The following ENTREP2 variants were observed in gnomAD, a reference collection of about 807,000 sequenced individuals.
ENTREP2 encodes the protein endosomal transmembrane epsin interactor 2, also known as protein ENTREP2.
At chr15:29,607,716 G>T in the ENTREP2 span, among the ~76,000 whole-genome samples, 1 of 152,020 alleles carries the variant, frequency 6.6e-6, no homozygotes, top group Non-Finnish European at 1.5e-5. Context: ...TCTAGTGCTC[G>T]TTTTTTCATG....
the ENTREP2 span, among the ~76,000 whole-genome samples, chr15:29,529,933 A>G: frequency 6.6e-6 from 1 of 152,136 alleles, no homozygotes; most frequent in Non-Finnish European, 1.5e-5. Context: ...ACTAAAGACA[A>G]ACAGAGCTAA....
the ENTREP2 span, among the ~76,000 whole-genome samples, chr15:29,333,064 A>C: frequency 6.6e-6 from 1 of 152,108 alleles, no homozygotes; most frequent in Non-Finnish European, 1.5e-5. Flanking sequence ...TGACTGGCAG[A>C]AACTGGGGAG....
the ENTREP2 span, among the ~76,000 whole-genome samples, chr15:29,306,175 G>GT: frequency 6.6e-6 from 1 of 152,258 alleles, no homozygotes; most frequent in African/African-American, 2.4e-5. Flanking sequence ...GGCAAGTAGG[G>GT]TGGTACAGGC....
the ENTREP2 span, among the ~76,000 whole-genome samples, chr15:29,656,035 AAAAAAAAAC>A: frequency 1.3e-5 from 2 of 151,186 alleles, no homozygotes; most frequent in African/African-American, 4.9e-5. Context: ...AAAAAAAAAA[AAAAAAAAAC>A]AACTATGTAG....
At chr15:29,451,722 G>C in the ENTREP2 span, among the ~76,000 whole-genome samples, 2 of 152,062 alleles carry the variant, frequency 1.3e-5, no homozygotes, top group East Asian at 1.9e-4. Flanking sequence ...GGGCTCCCTC[G>C]AGGGGCCACC....
chr15:29,178,071 T>C, the ENTREP2 span, among the ~76,000 whole-genome samples: 33 of 152,092 alleles, frequency 2.2e-4, no homozygotes, highest in East Asian at 5.8e-3. Context: ...GGCAGGAGGA[T>C]CACTTGAGTC....
the ENTREP2 span, among the ~76,000 whole-genome samples, chr15:29,246,264 G>A: frequency 6.6e-6 from 1 of 151,654 alleles, no homozygotes; most frequent in Non-Finnish European, 1.5e-5. Context: ...GGTGGCACAT[G>A]CCTGTAGTCC....
At chr15:29,585,949 C>A in the ENTREP2 span, among the ~76,000 whole-genome samples, 1 of 151,582 alleles carries the variant, frequency 6.6e-6, no homozygotes, top group Non-Finnish European at 1.5e-5. Context: ...CCATATGACT[C>A]AGCAATTCCA....
At chr15:29,223,773 G>C in the ENTREP2 span, among the ~76,000 whole-genome samples, 1 of 152,114 alleles carries the variant, frequency 6.6e-6, no homozygotes, top group African/African-American at 2.4e-5. Context: ...TGCGCCTGCA[G>C]CCCTTTCCCC....
At chr15:29,621,125 C>G in the ENTREP2 span, among the ~76,000 whole-genome samples, 347 of 152,054 alleles carry the variant, frequency 2.3e-3, 1 homozygote, top group African/African-American at 7.9e-3. Context: ...CGCAGTGGCT[C>G]ATGCCTGTAA....
At chr15:29,129,816 A>G in the ENTREP2 span, among the ~76,000 whole-genome samples, 3 of 152,106 alleles carry the variant, frequency 2.0e-5, no homozygotes, top group African/African-American at 7.2e-5. Flanking sequence ...CGATGTTTGG[A>G]TGTGATGCCA....
At chr15:29,431,616 G>A in the ENTREP2 span, among the ~76,000 whole-genome samples, 13 of 151,884 alleles carry the variant, frequency 8.6e-5, no homozygotes, top group African/African-American at 2.4e-4. Context: ...ATTATTTTTA[G>A]ATCTAAGCAA....
the ENTREP2 span, among the ~76,000 whole-genome samples, chr15:29,454,377 A>G: frequency 6.6e-6 from 1 of 152,114 alleles, no homozygotes; most frequent in Non-Finnish European, 1.5e-5. Flanking sequence ...AATTCTGTTG[A>G]TGCTGTTTGA....
At chr15:29,432,079 C>A in the ENTREP2 span, among the ~76,000 whole-genome samples, 1 of 152,138 alleles carries the variant, frequency 6.6e-6, no homozygotes, top group African/African-American at 2.4e-5. Flanking sequence ...ATGCACTTAC[C>A]TTTAAATAGG....
At chr15:29,186,001 T>G in the ENTREP2 span, among the ~76,000 whole-genome samples, 113 of 152,320 alleles carry the variant, frequency 7.4e-4, no homozygotes, top group Non-Finnish European at 1.2e-3. Context: ...CTCTCCCGTT[T>G]GTTTACTCAT....
the ENTREP2 span, among the ~76,000 whole-genome samples, chr15:29,178,647 A>G: frequency 6.6e-6 from 1 of 152,052 alleles, no homozygotes; most frequent in Non-Finnish European, 1.5e-5. Flanking sequence ...GTTTCTGCTA[A>G]GATTTGCTGA....
the ENTREP2 span, among the ~76,000 whole-genome samples, chr15:29,230,423 G>A: frequency 1.1e-4 from 17 of 152,024 alleles, no homozygotes; most frequent in African/African-American, 3.9e-4. Flanking sequence ...TATGATTTTA[G>A]GCAGAGAGGA....
the ENTREP2 span, among the ~76,000 whole-genome samples, chr15:29,654,575 G>A: frequency 0.078 from 11,880 of 152,040 alleles, 1,338 homozygotes; most frequent in African/African-American, 0.25. Flanking sequence ...CCCATCCTAC[G>A]CTCTCAATGG....
the ENTREP2 span, chr15:29,234,649 A>G: frequency 1.3e-5 from 20 of 1,562,378 alleles, no homozygotes; most frequent in Admixed American, 3.3e-5. Context: ...TACCAGTTCT[A>G]TCTTCACCAC....
Sources: allele counts gnomAD v4.1 joint callset (sites outside exome capture counted in the v4.1 genomes callset), GRCh38; gene constraint gnomAD v4.1.1; transcripts MANE v1.5; gene names NCBI Gene and HGNC (gene_info 2026-07-23, HGNC 2026-07-21).